Variants in RTN1 observed in about 807,000 individuals in gnomAD.
The protein encoded by RTN1 is reticulon 1, also known as reticulon-1.
A neutral mutation model predicts 65.5 loss-of-function variants in RTN1; 25 were observed. The ratio of observed to expected loss-of-function variants is 0.38; its 90% CI spans 0.28 to 0.53. RTN1 has a LOEUF of 0.53. Among genes scored for constraint, RTN1 ranks in the 20% least tolerant of loss-of-function variants. RTN1 has a pLI of 0.79. For missense variants in RTN1, 983 were observed against 1,025.4 expected, an observed-to-expected ratio of 0.96 and a Z score of 0.57; for synonymous variants, 471 against 447.6, an observed-to-expected ratio of 1.05 and a Z score of -0.66.
At chr14:59,732,416 C>T (rs892510559) in intron 2 of RTN1, among the ~76,000 whole-genome samples, 1 of 152,206 alleles carries the variant, frequency 6.6e-6, no homozygotes, top group African/African-American at 2.4e-5. Flanking sequence ...TATCCAGGTT[C>T]TCCCACTGGG....
chr14:59,616,818 A>G (rs1882115134), intron 3 of RTN1, among the ~76,000 whole-genome samples: 1 of 152,224 alleles, frequency 6.6e-6, no homozygotes, highest in Non-Finnish European at 1.5e-5. Flanking sequence ...GAAAGAGAGG[A>G]AAAGAACAAA....
chr14:59,644,284 G>A (rs961309865), intron 3 of RTN1, among the ~76,000 whole-genome samples: 1 of 152,312 alleles, frequency 6.6e-6, no homozygotes, highest in South Asian at 2.1e-4. Context: ...AGAAAGGCAA[G>A]GCAGGATGAT....
At chr14:59,857,121 C>T (rs1887622409) in intron 1 of RTN1, among the ~76,000 whole-genome samples, 1 of 152,088 alleles carries the variant, frequency 6.6e-6, no homozygotes, top group Admixed American at 6.5e-5. Flanking sequence ...ATATGATTGC[C>T]AGGCACTCCA....
chr14:59,745,748 G>T lies in RTN1; in HGVS notation c.975C>A (p.Asp325Glu), dbSNP rs760078547. The change falls in exon 2 of 9, where the codon GAC becomes GAA. Residue 325 changes from aspartate (D) to glutamate (E), a missense_variant. Physicochemically the swap from Asp to Glu is conservative, Grantham distance 45. Coordinates refer to ENST00000267484, the MANE Select transcript of RTN1 (RefSeq NM_021136.3). Reference protein sequence around the residue: ...VPTVTVSEPEDDSPGSITPPS... With the variant: ...VPTVTVSEPEEDSPGSITPPS... ...GAGGGGTGATAGATCCTGGGCTGTC[G>T]TCTTCAGGCTCCGAGACAGTGACAG... 6.2e-7 allele frequency: 1 copy of T among 1,613,614 alleles called. No homozygotes were observed. The highest frequency in any genetic ancestry group is 8.5e-7 in the Non-Finnish European group (1 of 1,179,814).
chr14:59,698,892 A>G (rs1884118962), intron 3 of RTN1, among the ~76,000 whole-genome samples: 1 of 152,186 alleles, frequency 6.6e-6, no homozygotes, highest in African/African-American at 2.4e-5. Flanking sequence ...CTTCTAAAGC[A>G]TTTCTGAACT....
At chr14:59,650,339 C>G (rs534080027) in intron 3 of RTN1, among the ~76,000 whole-genome samples, 1 of 152,266 alleles carries the variant, frequency 6.6e-6, no homozygotes, top group South Asian at 2.1e-4. Flanking sequence ...ATAGGTGGAG[C>G]AAACCACCAT....
rs148694248 is a variant in RTN1, at chr14:59,745,947, G to A, written c.776C>T (p.Thr259Ile). 9 of 1,614,020 alleles carry A rather than the reference G, an allele frequency of 5.6e-6. No individual in the cohort carries two copies. The highest frequency in any genetic ancestry group is 1.3e-5 in the African/African-American group (1 of 74,894). The change falls in exon 2 of 9, where the codon ACA becomes ATA. Residue 259 changes from threonine to isoleucine, a missense_variant. Thr to Ile is a moderately conservative substitution (Grantham distance 89, BLOSUM62 -1). This residue lies in a region of RTN1 where 818 missense variants were observed against 801.8 expected (regional missense o/e 1.02). Coordinates refer to ENST00000267484, the MANE Select transcript of RTN1 (RefSeq NM_021136.3). ...GAGATCATCTATGTATGGAGCAAAT[G>A]TGGATTCTTCCAATAAATGGTCCTT... Reference protein sequence around the residue: ...IIKDHLLEESTFAPYIDDLSE... With the variant: ...IIKDHLLEESIFAPYIDDLSE...
intron 8 of RTN1, among the ~76,000 whole-genome samples, 199 bp from the exon 9 acceptor site, chr14:59,596,986 C>G (rs914247557): frequency 2.0e-5 from 3 of 151,872 alleles, no homozygotes; most frequent in Non-Finnish European, 4.4e-5. Flanking sequence ...AAAATAACAG[C>G]AACAAAAAAG....
chr14:59,870,019 T>C lies in RTN1; in HGVS notation c.241+371A>G, dbSNP rs908180658. Among the ~76,000 whole-genome samples, 8 of 151,794 alleles carry C rather than the reference T, an allele frequency of 5.3e-5. No homozygotes were observed. Among genetic ancestry groups the C allele is most frequent in the Admixed American group, 5.2e-4 (8 of 15,280 alleles). On this transcript the variant is annotated intron_variant, in intron 1 of 8. Transcript: ENST00000267484. This position sits in a 1 kb window ranked among gnomAD's most constrained non-coding sequence, Gnocchi z 5.1. ...CTGCGCGCAAACACGCCCCCCAAAATCCCCACAACCTGTCAAACGGGCCCT... is the reference window on the plus strand; with the variant it reads ...CTGCGCGCAAACACGCCCCCCAAAACCCCCACAACCTGTCAAACGGGCCCT...
chr14:59,783,902 C>G (rs1379460675), intron 1 of RTN1, among the ~76,000 whole-genome samples: 1 of 141,826 alleles, frequency 7.1e-6, no homozygotes, highest in Non-Finnish European at 1.5e-5. Context: ...TATAATTTTC[C>G]AATCTGGGGG....
intron 1 of RTN1, among the ~76,000 whole-genome samples, chr14:59,807,759 C>A (rs553459507): frequency 6.6e-6 from 1 of 152,286 alleles, no homozygotes; most frequent in Non-Finnish European, 1.5e-5. Context: ...AGGCAGAGGA[C>A]ATTTTCCAAG....
At chr14:59,600,190 G>C (rs1881535908) in intron 8 of RTN1, among the ~76,000 whole-genome samples, 1 of 152,052 alleles carries the variant, frequency 6.6e-6, no homozygotes, top group Admixed American at 6.6e-5. Context: ...GACTGGCCCT[G>C]GTGTCTACTG....
At chr14:59,645,862 G>A (rs1165910081) in intron 3 of RTN1, among the ~76,000 whole-genome samples, 1 of 152,212 alleles carries the variant, frequency 6.6e-6, no homozygotes, top group African/African-American at 2.4e-5. Context: ...TAAATGCAGA[G>A]ATGAGAAAGA....
intron 1 of RTN1, among the ~76,000 whole-genome samples, chr14:59,755,129 A>G (rs969483571): frequency 2.6e-5 from 4 of 152,130 alleles, no homozygotes; most frequent in Non-Finnish European, 5.9e-5. Flanking sequence ...CAACTCTATA[A>G]AGCTCCTCTT....
intron 1 of RTN1, among the ~76,000 whole-genome samples, chr14:59,749,387 T>C (rs1368069173): frequency 1.5e-5 from 1 of 65,438 alleles, no homozygotes; most frequent in Non-Finnish European, 2.3e-5. Flanking sequence ...TCTATATCTA[T>C]ATATATCTAT....
chr14:59,676,537 G>A (rs569072492), intron 3 of RTN1, among the ~76,000 whole-genome samples: 1 of 152,228 alleles, frequency 6.6e-6, no homozygotes. Flanking sequence ...CTACCTAATC[G>A]ATGATTGGAA....
intron 1 of RTN1, among the ~76,000 whole-genome samples, chr14:59,840,573 A>G (rs183055607): frequency 6.6e-6 from 1 of 152,238 alleles, no homozygotes; most frequent in Non-Finnish European, 1.5e-5. Context: ...TATATACTAC[A>G]TGATCAAGAA....
At chr14:59,614,048 C>T (rs2140170639) in intron 3 of RTN1, among the ~76,000 whole-genome samples, 1 of 152,226 alleles carries the variant, frequency 6.6e-6, no homozygotes, top group East Asian at 1.9e-4. Context: ...ATGCTCTTGG[C>T]TACTTGGAAG....
At chr14:59,773,658 A>G (rs544052432) in intron 1 of RTN1, among the ~76,000 whole-genome samples, 4 of 152,284 alleles carry the variant, frequency 2.6e-5, no homozygotes, top group Non-Finnish European at 4.4e-5. Flanking sequence ...TTACCAACTC[A>G]TAACTCTATA....
Sources: gnomAD v4.1 joint callset for allele counts (sites outside exome capture counted in the v4.1 genomes callset) on GRCh38, gnomAD v4.1.1 for gene constraint, gnomAD v4.1.1 regional missense constraint, Gnocchi (gnomAD v3.1) non-coding constraint, MANE v1.5 for transcripts, NCBI Gene and HGNC (gene_info 2026-07-23, HGNC 2026-07-21) for gene names.